The following PPP2CA variants were observed in gnomAD, a reference collection of about 807,000 sequenced individuals.
PPP2CA encodes protein phosphatase 2 catalytic subunit alpha.
A neutral mutation model predicts 38.8 loss-of-function variants in PPP2CA; 5 were observed. The ratio of observed to expected loss-of-function variants is 0.13; its 90% CI spans 0.07 to 0.27. The LOEUF is 0.27. Ranked by LOEUF, PPP2CA falls within the 10% of genes least tolerant of loss-of-function variation. The probability of loss-of-function intolerance (pLI) is 1.00; values close to 1 mark genes in which losing one functional copy is unlikely to be tolerated. For missense variants in PPP2CA, 88 were observed against 389.7 expected, an observed-to-expected ratio of 0.23 and a Z score of 6.52; for synonymous variants, 152 against 134.0, an observed-to-expected ratio of 1.13 and a Z score of -0.93.
At chr5:134,198,981 C>T (rs936843633) in intron 6 of PPP2CA, 105 bp downstream of exon 6, 5 of 884,916 alleles carry the variant, frequency 5.7e-6, no homozygotes, top group South Asian at 1.5e-5. Flanking sequence ...CCTAGGAGTT[C>T]GAGACAAGAC....
chr5:134,194,567 T>C lies in PPP2CA; in HGVS notation c.*3205A>G, dbSNP rs889922495. The C allele has an allele frequency of 2.0e-5, 3 of 152,280 alleles. No individual in the cohort carries two copies. The highest frequency in any genetic ancestry group is 4.4e-5 in the Non-Finnish European group (3 of 68,034). 9.4% of individuals were successfully genotyped at this position (152,280 alleles called of 1,614,324 possible). ...TATCAACATCCATGAACCACCACCA[T>C]GTATCCCAATTTTCTTAAGTATGTA... On this transcript the variant is annotated 3_prime_UTR_variant, in exon 7 of 7. Coordinates refer to ENST00000481195, the MANE Select transcript of PPP2CA (RefSeq NM_002715.4).
chr5:134,225,666 G>C, intron 1 of PPP2CA, 94 bp downstream of exon 1: 1 of 1,155,210 alleles, frequency 8.7e-7, no homozygotes, highest in South Asian at 1.5e-5. Context: ...GGCCCGGACC[G>C]GCGGCCTCCG....
At chr5:134,221,115 T>A (rs1354189862) in intron 1 of PPP2CA, among the ~76,000 whole-genome samples, 1 of 152,030 alleles carries the variant, frequency 6.6e-6, no homozygotes, top group Non-Finnish European at 1.5e-5. Context: ...AAAAGAGGCT[T>A]TTTTGGGGCC....
intron 1 of PPP2CA, among the ~76,000 whole-genome samples, chr5:134,215,719 G>T (rs1762304107): frequency 6.6e-6 from 1 of 152,198 alleles, no homozygotes; most frequent in South Asian, 2.1e-4. Flanking sequence ...GATTATAGGT[G>T]TAAGTCACCA....
intron 1 of PPP2CA, among the ~76,000 whole-genome samples, chr5:134,222,128 T>A (rs17167389): frequency 0.044 from 6,689 of 152,264 alleles, 254 homozygotes; most frequent in Admixed American, 0.1. Context: ...TCCACAAGCC[T>A]TGGCAATCTC....
At position 134,225,652 on chromosome 5, in the gene PPP2CA, G is replaced by T. The variant is rs536309148; in HGVS notation, c.102+108C>A. 3.4e-5 allele frequency: 33 copies of T among 960,592 alleles called. No homozygotes were observed. The African/African-American group carries it at 5.1e-4, about 15-fold the overall frequency. 59.5% of individuals were successfully genotyped at this position (960,592 alleles called of 1,614,324 possible). ...GGATGGGCGCCGGTCTCGGAGACTCGGGGGGCCCGGACCGGCGGCCTCCGC... is the reference window on the plus strand; with the variant it reads ...GGATGGGCGCCGGTCTCGGAGACTCTGGGGGCCCGGACCGGCGGCCTCCGC... On this transcript the variant is annotated intron_variant, in intron 1 of 6. Coordinates refer to ENST00000481195, the MANE Select transcript of PPP2CA (RefSeq NM_002715.4).
intron 2 of PPP2CA, chr5:134,203,670 G>C (rs752521347): frequency 1.3e-5 from 2 of 152,202 alleles, no homozygotes; most frequent in East Asian, 1.9e-4. Context: ...TGTGGGTTAG[G>C]ACTTAGACAA....
chr5:134,204,809 C>G (rs1459283704), intron 2 of PPP2CA, among the ~76,000 whole-genome samples: 3 of 152,114 alleles, frequency 2.0e-5, no homozygotes, highest in Non-Finnish European at 4.4e-5. Flanking sequence ...AACTATTCAA[C>G]TGAGCTAAAC....
At chr5:134,207,853 A>C (rs1442154033) in intron 1 of PPP2CA, among the ~76,000 whole-genome samples, 1 of 152,174 alleles carries the variant, frequency 6.6e-6, no homozygotes, top group African/African-American at 2.4e-5. Context: ...GGCCTGAGAT[A>C]CCTATTAAGA....
At chr5:134,200,282 C>G in intron 5 of PPP2CA, 53 bp downstream of exon 5, 3 of 1,530,058 alleles carry the variant, frequency 2.0e-6, no homozygotes, top group Non-Finnish European at 2.6e-6. Flanking sequence ...CTAATATCTT[C>G]TTTCCTTAAG....
At chr5:134,206,232 G>A (rs1762080074) in intron 1 of PPP2CA, 101 bp from the exon 2 acceptor site, 2 of 998,464 alleles carry the variant, frequency 2.0e-6, no homozygotes, top group South Asian at 1.6e-5. Context: ...GGCAGACTCA[G>A]TCTAAGATAA....
intron 1 of PPP2CA, among the ~76,000 whole-genome samples, chr5:134,210,271 A>C (rs1236465821): frequency 6.6e-6 from 1 of 152,106 alleles, no homozygotes; most frequent in Non-Finnish European, 1.5e-5. Context: ...ATACAATCTC[A>C]ACTGTCTAGT....
intron 1 of PPP2CA, among the ~76,000 whole-genome samples, chr5:134,207,049 A>C (rs1211629493): frequency 6.6e-6 from 1 of 152,220 alleles, no homozygotes; most frequent in Admixed American, 6.5e-5. Flanking sequence ...AGCCATGACA[A>C]CCACAGATGA....
intron 1 of PPP2CA, among the ~76,000 whole-genome samples, chr5:134,222,660 A>G (rs1762471027): frequency 6.6e-6 from 1 of 152,216 alleles, no homozygotes; most frequent in Non-Finnish European, 1.5e-5. Flanking sequence ...TGTTTACTGT[A>G]GTCAATGCAA....
intron 2 of PPP2CA, among the ~76,000 whole-genome samples, chr5:134,205,388 CTT>C (rs5871528): frequency 1.0e-3 from 141 of 138,186 alleles, no homozygotes; most frequent in Middle Eastern, 3.6e-3. Context: ...TTTTCTTTTC[CTT>C]TTTTTTTTTT....
At chr5:134,220,348 A>G (rs1561743722) in intron 1 of PPP2CA, among the ~76,000 whole-genome samples, 1 of 147,180 alleles carries the variant, frequency 6.8e-6, no homozygotes, top group African/African-American at 2.5e-5. Context: ...AATCCCAACT[A>G]TTTGGGAGGC....
At chr5:134,217,845 G>C (rs1355642947) in intron 1 of PPP2CA, among the ~76,000 whole-genome samples, 11 of 152,172 alleles carry the variant, frequency 7.2e-5, no homozygotes, top group Non-Finnish European at 1.6e-4. Context: ...CACAAATCTA[G>C]ATAGTATAGA....
chr5:134,212,141 A>C (rs1370726357), intron 1 of PPP2CA, among the ~76,000 whole-genome samples: 2 of 152,152 alleles, frequency 1.3e-5, no homozygotes, highest in Non-Finnish European at 2.9e-5. Context: ...CCTTAAGAGC[A>C]CACAATAACT....
chr5:134,209,148 T>C (rs987151565), intron 1 of PPP2CA, among the ~76,000 whole-genome samples: 1 of 152,158 alleles, frequency 6.6e-6, no homozygotes, highest in African/African-American at 2.4e-5. Flanking sequence ...TTCTAACTTG[T>C]CAATCTAGAA....
Sources: allele counts gnomAD v4.1 joint callset (sites outside exome capture counted in the v4.1 genomes callset), GRCh38; gene constraint gnomAD v4.1.1; transcripts MANE v1.5; gene names NCBI Gene and HGNC (gene_info 2026-07-23, HGNC 2026-07-21).